Variants in VAMP7 observed in about 807,000 individuals in gnomAD.
VAMP7 encodes the protein vesicle associated membrane protein 7.
A neutral mutation model predicts 29.6 loss-of-function variants in VAMP7; 14 were observed. The observed-to-expected ratio is 0.47, with a 90% CI of 0.31 to 0.74. The LOEUF is 0.74. Among genes scored for constraint, VAMP7 ranks in the 30% least tolerant of loss-of-function variants. The probability of loss-of-function intolerance (pLI) is 0.05; values close to 1 mark genes in which losing one functional copy is unlikely to be tolerated. For synonymous variants in VAMP7, 95 were observed against 88.1 expected (o/e 1.08, Z -0.44); for missense variants, 223 against 262.4 (o/e 0.85, Z 1.04).
chrX:155,892,877 C>T (rs1284631971), intron 2 of VAMP7, among the ~76,000 whole-genome samples: 1 of 151,914 alleles, frequency 6.6e-6, no homozygotes, highest in Non-Finnish European at 1.5e-5. Flanking sequence ...CTCAGCCTCC[C>T]GAGTAACTGG....
At chrX:155,937,133 A>G (rs1400096521) in intron 6 of VAMP7, among the ~76,000 whole-genome samples, 2 of 152,210 alleles carry the variant, frequency 1.3e-5, no homozygotes, top group Admixed American at 1.3e-4. Flanking sequence ...GGATGAAACT[A>G]GAAGACATTA....
chrX:155,895,829 G>A (rs1211100391), intron 3 of VAMP7, 149 bp downstream of exon 3: 2 of 593,070 alleles, frequency 3.4e-6, no homozygotes, highest in African/African-American at 3.7e-5. Flanking sequence ...ATAGCAGGAG[G>A]TGAGTGGCCT....
intron 6 of VAMP7, 75 bp downstream of exon 6, chrX:155,919,955 A>C (rs1257271840): frequency 4.3e-6 from 5 of 1,151,400 alleles, no homozygotes; most frequent in South Asian, 1.4e-5. Flanking sequence ...CATAATTGGG[A>C]AATACCTTAA....
At chrX:155,937,876 T>TC (rs1364778461) in intron 6 of VAMP7, among the ~76,000 whole-genome samples, 5 of 152,182 alleles carry the variant, frequency 3.3e-5, no homozygotes, top group African/African-American at 1.2e-4. Flanking sequence ...TGATCAGTTT[T>TC]CCGTGTATCT....
At chrX:155,931,692 G>T (rs2066559181) in intron 6 of VAMP7, among the ~76,000 whole-genome samples, 2 of 152,100 alleles carry the variant, frequency 1.3e-5, no homozygotes, top group Admixed American at 6.5e-5. Flanking sequence ...AGTTTCTTTT[G>T]CTGTGCAGAA....
chrX:155,906,586 A>G (rs6642371), intron 5 of VAMP7, among the ~76,000 whole-genome samples: 91,746 of 151,924 alleles, frequency 0.6, 27,815 homozygotes, highest in East Asian at 0.67. Context: ...GCTATTGTAA[A>G]TGGAATTTTT....
At chrX:155,914,866 G>A (rs2066288260) in intron 5 of VAMP7, among the ~76,000 whole-genome samples, 1 of 152,154 alleles carries the variant, frequency 6.6e-6, no homozygotes, top group Non-Finnish European at 1.5e-5. Flanking sequence ...TCAGGATGAT[G>A]CTGGCCTCAT....
Position 155,909,757 on chromosome X carries a change from C to G in VAMP7, c.433+9170C>G, listed in dbSNP as rs1262695185. Among the ~76,000 whole-genome samples the G allele has an allele frequency of 2.6e-5, 4 of 152,312 alleles. No homozygotes were observed. In the East Asian group the frequency reaches 7.7e-4, roughly 29 times the overall value. On this transcript the variant is annotated intron_variant, in intron 5 of 7. Coordinates refer to ENST00000286448, the MANE Select transcript of VAMP7 (RefSeq NM_005638.6). ...TCCTGGCTTGCAGACAGCATCTTCT[C>G]TCTCTGTTCTCCCATCAGGCAAGGA...
chrX:155,882,200 C>T (rs2065810614), intron 1 of VAMP7, among the ~76,000 whole-genome samples: 1 of 152,142 alleles, frequency 6.6e-6, no homozygotes, highest in Non-Finnish European at 1.5e-5. Flanking sequence ...CAGATCCATT[C>T]ATACATTTAA....
chrX:155,918,039 A>C (rs1481115722), intron 5 of VAMP7, among the ~76,000 whole-genome samples: 1 of 152,124 alleles, frequency 6.6e-6, no homozygotes, highest in Admixed American at 6.5e-5. Context: ...CAGTCTGGCT[A>C]CAGGGACTTT....
At chrX:155,883,757 C>A in intron 1 of VAMP7, among the ~76,000 whole-genome samples, 1 of 142,672 alleles carries the variant, frequency 7.0e-6, no homozygotes, top group East Asian at 2.1e-4. Context: ...GTTGCCTGGG[C>A]TGGAGTGCAG....
At chrX:155,897,978 A>T in intron 3 of VAMP7, 134 bp from the exon 4 acceptor site, 1 of 1,134,040 alleles carries the variant, frequency 8.8e-7, no homozygotes, top group South Asian at 1.8e-5. Flanking sequence ...TATCTTTAAG[A>T]TAGGATCAAT....
At chrX:155,928,737 C>T (rs1388099574) in intron 6 of VAMP7, among the ~76,000 whole-genome samples, 1 of 152,136 alleles carries the variant, frequency 6.6e-6, no homozygotes, top group Non-Finnish European at 1.5e-5. Flanking sequence ...AGGACACAGG[C>T]ATGTCTTAGG....
chrX:155,912,230 A>C (rs1218280844), intron 5 of VAMP7, among the ~76,000 whole-genome samples: 1 of 151,966 alleles, frequency 6.6e-6, no homozygotes, highest in Admixed American at 6.6e-5. Flanking sequence ...TGAACTATAT[A>C]TTTTTATTTG....
chrX:155,918,015 G>A (rs1403698482), intron 5 of VAMP7, among the ~76,000 whole-genome samples: 1 of 152,108 alleles, frequency 6.6e-6, no homozygotes, highest in Non-Finnish European at 1.5e-5. Flanking sequence ...CCAGAGAGGA[G>A]GAATCTAGAG....
intron 2 of VAMP7, among the ~76,000 whole-genome samples, chrX:155,891,071 A>G (rs1157491429): frequency 6.6e-6 from 1 of 152,148 alleles, no homozygotes; most frequent in Non-Finnish European, 1.5e-5. Context: ...CTTGCCCAGT[A>G]ATTTTAAAGG....
At chrX:155,933,380 A>C (rs2066594748) in intron 6 of VAMP7, among the ~76,000 whole-genome samples, 1 of 152,082 alleles carries the variant, frequency 6.6e-6, no homozygotes, top group African/African-American at 2.4e-5. Context: ...TCAATTTCAG[A>C]GCCTGTTATT....
intron 2 of VAMP7, among the ~76,000 whole-genome samples, chrX:155,891,548 C>T (rs1249520996): frequency 6.6e-6 from 1 of 152,188 alleles, no homozygotes; most frequent in Admixed American, 6.5e-5. Context: ...AAAGGATCAT[C>T]ACAGTGAGAG....
At chrX:155,888,076 A>G (rs1387835797) in intron 1 of VAMP7, among the ~76,000 whole-genome samples, 1 of 152,206 alleles carries the variant, frequency 6.6e-6, no homozygotes, top group African/African-American at 2.4e-5. Context: ...TTCTAGAAAG[A>G]AGATGGTTGA....
Sources: allele counts gnomAD v4.1 joint callset (sites outside exome capture counted in the v4.1 genomes callset), GRCh38; gene constraint gnomAD v4.1.1; transcripts MANE v1.5; gene names NCBI Gene and HGNC (gene_info 2026-07-23, HGNC 2026-07-21).